The following TULP3 variants were observed in gnomAD, a reference collection of about 807,000 sequenced individuals.
TULP3 encodes tubby-related protein 3.
TULP3 carries 38 observed loss-of-function variants against 50.7 expected under a neutral mutation model. That is an observed-to-expected ratio of 0.75 (90% CI 0.58 to 0.98). The LOEUF (loss-of-function observed/expected upper bound fraction) is 0.98, where lower values mean the gene tolerates loss of function less well. TULP3 is among the 50% of genes least tolerant of loss of function. TULP3 has a pLI of 0.00. For synonymous variants in TULP3, 183 were observed against 196.6 expected (o/e 0.93, Z 0.58); for missense variants, 550 against 568.0 (o/e 0.97, Z 0.32).
chr12:2,914,177 T>G (rs2098187321), intron 2 of TULP3, among the ~76,000 whole-genome samples: 1 of 144,754 alleles, frequency 6.9e-6, no homozygotes, highest in African/African-American at 2.6e-5. Flanking sequence ...CAGGCTGGAG[T>G]ACAATGGCGC....
intron 1 of TULP3, among the ~76,000 whole-genome samples, chr12:2,903,580 A>G (rs2098180482): frequency 6.6e-6 from 1 of 152,046 alleles, no homozygotes; most frequent in African/African-American, 2.4e-5. Flanking sequence ...AAAAAAAGAA[A>G]AAAGAAAAAA....
At chr12:2,937,157 T>TTC (rs113176208) in intron 8 of TULP3, among the ~76,000 whole-genome samples, 28,122 of 145,752 alleles carry the variant, frequency 0.19, 3,042 homozygotes, top group South Asian at 0.26. Flanking sequence ...CTGTTTTTGA[T>TTC]TCTGTTTACA....
At chr12:2,937,273 A>G (rs1292502465) in intron 8 of TULP3, among the ~76,000 whole-genome samples, 11 of 117,322 alleles carry the variant, frequency 9.4e-5, no homozygotes, top group Non-Finnish European at 1.6e-4. Flanking sequence ...CTGGAGTGCA[A>G]CGGCGTGATC....
chr12:2,919,508 C>T (rs964328863), intron 2 of TULP3, among the ~76,000 whole-genome samples: 9 of 152,084 alleles, frequency 5.9e-5, no homozygotes, highest in Non-Finnish European at 1.2e-4. Context: ...ACTCTTCTTC[C>T]TGGAGGCACT....
Position 2,920,033 on chromosome 12 carries a change from TAAAAA to T in TULP3, c.94-721_94-717del, listed in dbSNP as rs899279354. ...TTCCATTTACAAAAGTAAGAAAACTTAAAAAAAAAAAAAGACTAGAAAAGAGAAAA... is the reference window on the plus strand; with the variant it reads ...TTCCATTTACAAAAGTAAGAAAACTTAAAAAAAAGACTAGAAAAGAGAAAA... On this transcript the variant is annotated intron_variant, in intron 2 of 10. Transcript: ENST00000448120. Among the ~76,000 whole-genome samples, 3 of 140,822 alleles carry T rather than the reference TAAAAA, an allele frequency of 2.1e-5. No homozygotes were observed. In the East Asian group the frequency reaches 6.1e-4, roughly 29 times the overall value. 92.4% of individuals were successfully genotyped at this position (140,822 alleles called of 152,430 possible). A position where few individuals can be genotyped will look rare whatever the true frequency, so the allele number is the denominator to read the frequency against.
chr12:2,898,137 C>T (rs2098176679), intron 1 of TULP3, among the ~76,000 whole-genome samples: 1 of 150,678 alleles, frequency 6.6e-6, no homozygotes, highest in South Asian at 2.1e-4. Context: ...TTACTATGAG[C>T]CAAGTTTCAT....
chr12:2,917,652 C>T (rs1459013807), intron 2 of TULP3, among the ~76,000 whole-genome samples: 5 of 151,508 alleles, frequency 3.3e-5, no homozygotes, highest in South Asian at 2.1e-4. Context: ...CCAAGGCGGG[C>T]GGATCATGAG....
intron 1 of TULP3, among the ~76,000 whole-genome samples, chr12:2,894,835 G>A (rs1476816195): frequency 7.5e-5 from 4 of 53,094 alleles, no homozygotes; most frequent in South Asian, 1.1e-3. Flanking sequence ...CGGAGGTTGC[G>A]GTGAGCCGAG....
At chr12:2,900,860 C>T (rs1053442650) in intron 1 of TULP3, among the ~76,000 whole-genome samples, 4 of 149,600 alleles carry the variant, frequency 2.7e-5, no homozygotes, top group Non-Finnish European at 4.4e-5. Context: ...TAGGCATGCG[C>T]AACCAAGCCG....
intron 2 of TULP3, among the ~76,000 whole-genome samples, chr12:2,913,217 G>GTGTA (rs1565501074): frequency 6.7e-6 from 1 of 148,786 alleles, no homozygotes; most frequent in African/African-American, 2.5e-5. Flanking sequence ...GTGTGTGTGT[G>GTGTA]TGTGTATGTG....
At chr12:2,908,195 A>C (rs1264104682) in intron 1 of TULP3, among the ~76,000 whole-genome samples, 1 of 152,184 alleles carries the variant, frequency 6.6e-6, no homozygotes, top group African/African-American at 2.4e-5. Context: ...ATTTGCCCCA[A>C]ATGTAGCAAA....
In TULP3 at chr12:2,940,898, A is replaced by C; in HGVS notation, c.*1454A>C. ...CGTCACCACCACCACCCCCCACCCCATCCTGAGGCACTGCCTGGCAGATAA... is the reference window on the plus strand; with the variant it reads ...CGTCACCACCACCACCCCCCACCCCCTCCTGAGGCACTGCCTGGCAGATAA... On this transcript the variant is annotated 3_prime_UTR_variant, in exon 11 of 11. Coordinates refer to ENST00000448120, the MANE Select transcript of TULP3 (RefSeq NM_003324.5). 1.6e-6 allele frequency: 1 copy of C among 611,484 alleles called. No homozygotes were observed. The highest frequency in any genetic ancestry group is 2.8e-6 in the Non-Finnish European group (1 of 355,686). The allele number at this position is 611,484 out of a possible 1,614,324, so 37.9% of individuals were successfully genotyped here.
intron 4 of TULP3, among the ~76,000 whole-genome samples, chr12:2,926,767 G>GCTAAAAAT: frequency 2.4e-5 from 1 of 40,914 alleles, no homozygotes; most frequent in Non-Finnish European, 4.3e-5. Context: ...AGCCAGGTGT[G>GCTAAAAAT]GTGGTGGTGG....
At chr12:2,936,650 G>A (rs2098201448) in intron 8 of TULP3, among the ~76,000 whole-genome samples, 1 of 151,862 alleles carries the variant, frequency 6.6e-6, no homozygotes, top group Non-Finnish European at 1.5e-5. Flanking sequence ...TACTCAGGCT[G>A]AGGCAGGAAA....
At chr12:2,919,557 G>A (rs1029943376) in intron 2 of TULP3, among the ~76,000 whole-genome samples, 5 of 152,004 alleles carry the variant, frequency 3.3e-5, no homozygotes, top group African/African-American at 9.7e-5. Flanking sequence ...TAAACAGATG[G>A]CTTCTTTTGC....
chr12:2,932,081 T>C (rs2098198397), intron 6 of TULP3, among the ~76,000 whole-genome samples: 1 of 152,198 alleles, frequency 6.6e-6, no homozygotes, highest in Admixed American at 6.5e-5. Flanking sequence ...TAGGAGAGTT[T>C]AGGAAGGATG....
chr12:2,939,907 G>A lies in TULP3; in HGVS notation c.*463G>A, dbSNP rs181572444. ...TGAGAGATGATTTAAAGCACAGGGA[G>A]ATTCTTGTCACATTGGGGTCTCCAA... is the stretch of plus-strand genomic sequence containing the variant. On this transcript the variant is annotated 3_prime_UTR_variant, in exon 11 of 11. Coordinates refer to ENST00000448120, the MANE Select transcript of TULP3 (RefSeq NM_003324.5). This position sits in a 1 kb window ranked among gnomAD's most constrained non-coding sequence, Gnocchi z 4.0. 6.4e-6 allele frequency: 8 copies of A among 1,252,930 alleles called. No individual in the cohort carries two copies. In the East Asian group the frequency reaches 4.0e-4, roughly 63 times the overall value. 77.6% of individuals were successfully genotyped at this position (1,252,930 alleles called of 1,614,324 possible).
chr12:2,915,800 T>G (rs1261302042), intron 2 of TULP3, among the ~76,000 whole-genome samples: 2 of 152,048 alleles, frequency 1.3e-5, no homozygotes, highest in East Asian at 3.9e-4. Flanking sequence ...CGCCTCAGCC[T>G]CCCAAAGTGC....
intron 8 of TULP3, among the ~76,000 whole-genome samples, chr12:2,935,648 G>A (rs2098200763): frequency 6.6e-6 from 1 of 152,102 alleles, no homozygotes; most frequent in African/African-American, 2.4e-5. Context: ...TTTAATGTAA[G>A]GTGTCTTTCC....
Sources: gnomAD v4.1 joint callset for allele counts (sites outside exome capture counted in the v4.1 genomes callset) on GRCh38, gnomAD v4.1.1 for gene constraint, Gnocchi (gnomAD v3.1) non-coding constraint, MANE v1.5 for transcripts, NCBI Gene and HGNC (gene_info 2026-07-23, HGNC 2026-07-21) for gene names.